Variants in UMAD1 observed in about 807,000 individuals in gnomAD.
UMAD1 encodes UBAP1-MVB12-associated (UMA)-domain containing protein 1.
Under a neutral mutation model 6.1 loss-of-function variants are expected in UMAD1, and 8 were observed. The observed-to-expected ratio is 1.30, with a 90% CI of 0.76 to 2.35. The LOEUF is 2.35. Among genes scored for constraint, UMAD1 ranks in the 30% most tolerant of loss-of-function variants. UMAD1 has a pLI of 0.00. For missense variants in UMAD1, 130 were observed against 78.4 expected, an observed-to-expected ratio of 1.66 and a Z score of -2.49; for synonymous variants, 56 against 31.4, an observed-to-expected ratio of 1.78 and a Z score of -2.61.
chr7:7,786,419 C>G (rs527747597), intron 2 of UMAD1, among the ~76,000 whole-genome samples: 1 of 152,294 alleles, frequency 6.6e-6, no homozygotes, highest in African/African-American at 2.4e-5. Flanking sequence ...TCATTGCAGT[C>G]TATCAGGTGG....
chr7:7,872,871 T>C (rs1207140262), intron 3 of UMAD1, among the ~76,000 whole-genome samples: 1 of 152,020 alleles, frequency 6.6e-6, no homozygotes, highest in African/African-American at 2.4e-5. Context: ...GACTACCAGA[T>C]CTAGGGAACA....
At chr7:7,699,224 G>A (rs751913021) in intron 2 of UMAD1, among the ~76,000 whole-genome samples, 4 of 152,062 alleles carry the variant, frequency 2.6e-5, no homozygotes, top group Admixed American at 2.6e-4. Context: ...TTCTGAGAAT[G>A]CATTTGTGTT....
chr7:7,796,526 C>T (rs1039571003), intron 2 of UMAD1, among the ~76,000 whole-genome samples: 24 of 152,132 alleles, frequency 1.6e-4, no homozygotes, highest in African/African-American at 4.8e-4. Context: ...GTTGGGATTA[C>T]AGGCGTGAGC....
At chr7:7,847,730 A>C (rs1021808620) in intron 3 of UMAD1, among the ~76,000 whole-genome samples, 1 of 152,074 alleles carries the variant, frequency 6.6e-6, no homozygotes, top group Non-Finnish European at 1.5e-5. Context: ...ATAGGGACTC[A>C]AATCTAAATG....
At chr7:7,823,850 AAG>A (rs1462483506) in intron 3 of UMAD1, among the ~76,000 whole-genome samples, 1 of 152,084 alleles carries the variant, frequency 6.6e-6, no homozygotes, top group Admixed American at 6.6e-5. Context: ...TAAAGCTAAG[AAG>A]ACACCTACAG....
At chr7:7,719,820 A>C (rs1376483657) in intron 2 of UMAD1, among the ~76,000 whole-genome samples, 1 of 152,224 alleles carries the variant, frequency 6.6e-6, no homozygotes, top group East Asian at 1.9e-4. Context: ...CAATTAAAAT[A>C]ATTAAATTGT....
chr7:7,850,638 TCAAAA>T (rs1427757774), intron 3 of UMAD1, among the ~76,000 whole-genome samples: 2 of 152,076 alleles, frequency 1.3e-5, no homozygotes, highest in Non-Finnish European at 2.9e-5. Context: ...ATATAATCAG[TCAAAA>T]CAATATAAGT....
chr7:7,827,984 C>T (rs1783380481), intron 3 of UMAD1, among the ~76,000 whole-genome samples: 2 of 152,090 alleles, frequency 1.3e-5, no homozygotes, highest in South Asian at 2.1e-4. Flanking sequence ...TTCAAGAAGC[C>T]ACTATAAGAC....
At chr7:7,778,298 CAG>C (rs201230214) in intron 2 of UMAD1, among the ~76,000 whole-genome samples, 5 of 103,848 alleles carry the variant, frequency 4.8e-5, no homozygotes, top group South Asian at 3.5e-4. Flanking sequence ...GAGAGAGAGA[CAG>C]AGAGAGAGCG....
chr7:7,648,881 G>A (rs540672747), intron 1 of UMAD1, among the ~76,000 whole-genome samples: 3 of 149,530 alleles, frequency 2.0e-5, no homozygotes, highest in South Asian at 4.2e-4. Context: ...AAAAAAGGCC[G>A]GGCGCGGTCG....
intron 1 of UMAD1, among the ~76,000 whole-genome samples, chr7:7,672,259 A>G (rs1405563316): frequency 1.3e-5 from 2 of 152,182 alleles, no homozygotes; most frequent in African/African-American, 2.4e-5. Flanking sequence ...TGTCCTTGCA[A>G]GTACCCTTCA....
intron 2 of UMAD1, among the ~76,000 whole-genome samples, chr7:7,757,883 G>A (rs77228954): frequency 0.061 from 9,304 of 152,150 alleles, 350 homozygotes; most frequent in Middle Eastern, 0.11. Flanking sequence ...TCCAGAGGCC[G>A]CAGCAGGGTT....
At chr7:7,679,983 G>T (rs570918596) in intron 2 of UMAD1, among the ~76,000 whole-genome samples, 1 of 152,018 alleles carries the variant, frequency 6.6e-6, no homozygotes, top group South Asian at 2.1e-4. Context: ...CTCCCATTCT[G>T]TGGGTTGTCT....
At chr7:7,871,909 C>T (rs1784339370) in intron 3 of UMAD1, among the ~76,000 whole-genome samples, 1 of 151,522 alleles carries the variant, frequency 6.6e-6, no homozygotes, top group Non-Finnish European at 1.5e-5. Flanking sequence ...AGAGTTAAGC[C>T]TTAGGCACTG....
At chr7:7,660,658 G>T (rs767130078) in intron 1 of UMAD1, among the ~76,000 whole-genome samples, 14 of 152,222 alleles carry the variant, frequency 9.2e-5, no homozygotes, top group Non-Finnish European at 1.8e-4. Flanking sequence ...TAGGGTTTCT[G>T]CAGAGAGATC....
intron 3 of UMAD1, among the ~76,000 whole-genome samples, chr7:7,867,607 T>C (rs993648058): frequency 1.3e-5 from 2 of 152,118 alleles, no homozygotes; most frequent in African/African-American, 4.8e-5. Context: ...GAGTGATTAT[T>C]AGTAACCTTT....
chr7:7,649,174 A>G (rs1383136138), intron 1 of UMAD1, among the ~76,000 whole-genome samples: 6 of 144,178 alleles, frequency 4.2e-5, no homozygotes, highest in African/African-American at 1.3e-4. Flanking sequence ...AAAAAAAAAA[A>G]AAAAAGAAAA....
At chr7:7,802,585 A>G (rs1782825003) in intron 3 of UMAD1, among the ~76,000 whole-genome samples, 1 of 152,248 alleles carries the variant, frequency 6.6e-6, no homozygotes, top group Non-Finnish European at 1.5e-5. Flanking sequence ...TTTAATCACC[A>G]AAATAATCAT....
At chr7:7,784,341 T>TC (rs1185956802) in intron 2 of UMAD1, among the ~76,000 whole-genome samples, 1 of 150,342 alleles carries the variant, frequency 6.7e-6, no homozygotes, top group East Asian at 1.9e-4. Flanking sequence ...ATCTCTGTTT[T>TC]TTTTTTTTTT....
Sources: allele counts gnomAD v4.1 joint callset (sites outside exome capture counted in the v4.1 genomes callset), GRCh38; gene constraint gnomAD v4.1.1; transcripts MANE v1.5; gene names NCBI Gene and HGNC (gene_info 2026-07-23, HGNC 2026-07-21).